The following IL1RAPL2 variants were observed in gnomAD, a reference collection of about 807,000 sequenced individuals.
IL1RAPL2 encodes the protein X-linked interleukin-1 receptor accessory protein-like 2.
In IL1RAPL2, 3 loss-of-function variants were observed where a neutral mutation model predicts 44.1. The observed-to-expected ratio is 0.07, with a 90% CI of 0.03 to 0.18. The LOEUF is 0.18. Ranked by LOEUF, IL1RAPL2 falls within the 10% of genes least tolerant of loss-of-function variation. The pLI is 1.00. For missense variants in IL1RAPL2, 391 were observed against 496.4 expected (o/e 0.79, Z 2.02); for synonymous variants, 181 against 178.8 (o/e 1.01, Z -0.10).
At chrX:104,582,596 T>TTCTTTCTC (rs1387907561) in intron 1 of IL1RAPL2, among the ~76,000 whole-genome samples, 11 of 52,188 alleles carry the variant, frequency 2.1e-4, no homozygotes, top group Admixed American at 6.8e-4. Flanking sequence ...CTTTCTTTCT[T>TTCTTTCTC]TTTCTTTCTT....
chrX:105,534,288 T>C (rs1372442086), intron 6 of IL1RAPL2, among the ~76,000 whole-genome samples: 2 of 111,716 alleles, frequency 1.8e-5, no homozygotes, highest in Non-Finnish European at 3.8e-5. Flanking sequence ...ATTAAGGTAA[T>C]GCCAAAAAGC....
chrX:104,895,264 C>T (rs1459063297), intron 2 of IL1RAPL2, among the ~76,000 whole-genome samples: 1 of 112,470 alleles, frequency 8.9e-6, no homozygotes, highest in African/African-American at 3.2e-5. Context: ...TCTGTCCGTT[C>T]TCAGTTCTCA....
At chrX:105,641,052 AG>A (rs758613034) in intron 6 of IL1RAPL2, among the ~76,000 whole-genome samples, 1 of 110,672 alleles carries the variant, frequency 9.0e-6, no homozygotes, top group Admixed American at 9.8e-5. Flanking sequence ...CAAATTAGCT[AG>A]ATTTAGAGTA....
chrX:105,514,256 C>G (rs1422016326), intron 6 of IL1RAPL2, among the ~76,000 whole-genome samples: 1 of 111,387 alleles, frequency 9.0e-6, no homozygotes, highest in Non-Finnish European at 1.9e-5. Context: ...GATTTACAAG[C>G]AATAAGCGTT....
chrX:105,405,801 G>A, intron 5 of IL1RAPL2: 1 of 1,164,764 alleles, frequency 8.6e-7, no homozygotes, highest in Non-Finnish European at 1.2e-6. Flanking sequence ...AAGCCAGGTG[G>A]TTGCTGTATA....
At chrX:104,965,963 G>A (rs1476440512) in intron 2 of IL1RAPL2, among the ~76,000 whole-genome samples, 1 of 100,839 alleles carries the variant, frequency 9.9e-6, no homozygotes, top group South Asian at 3.7e-4. Flanking sequence ...TAAAGAAAAA[G>A]TAAGATTAGG....
intron 6 of IL1RAPL2, among the ~76,000 whole-genome samples, chrX:105,566,650 G>A (rs757349839): frequency 2.7e-5 from 3 of 111,614 alleles, no homozygotes; most frequent in African/African-American, 9.8e-5. Context: ...TCAAGTATAA[G>A]AAAGATATTT....
intron 2 of IL1RAPL2, among the ~76,000 whole-genome samples, chrX:104,803,510 C>T (rs1932899138): frequency 8.9e-6 from 1 of 112,193 alleles, no homozygotes; most frequent in African/African-American, 3.2e-5. Flanking sequence ...ACATATTTTT[C>T]CCACTCTTAA....
intron 2 of IL1RAPL2, among the ~76,000 whole-genome samples, chrX:104,892,962 A>G (rs1351553492): frequency 2.7e-5 from 3 of 111,854 alleles, no homozygotes; most frequent in Non-Finnish European, 3.8e-5. Flanking sequence ...ATACTGCTTT[A>G]AATGTGTCCC....
At chrX:104,671,179 T>TACACAC (rs763809458) in intron 2 of IL1RAPL2, among the ~76,000 whole-genome samples, 1 of 109,099 alleles carries the variant, frequency 9.2e-6, no homozygotes, top group Non-Finnish European at 1.9e-5. Flanking sequence ...TGCATGTGTA[T>TACACAC]ACACACACAC....
intron 2 of IL1RAPL2, among the ~76,000 whole-genome samples, chrX:104,795,296 T>C (rs1276688215): frequency 9.0e-6 from 1 of 111,480 alleles, no homozygotes; most frequent in Non-Finnish European, 1.9e-5. Flanking sequence ...CAGCACTAGA[T>C]TTAGGAGCAA....
intron 2 of IL1RAPL2, among the ~76,000 whole-genome samples, chrX:105,187,119 G>A (rs2033595305): frequency 9.0e-6 from 1 of 111,514 alleles, no homozygotes; most frequent in African/African-American, 3.3e-5. Flanking sequence ...TCAATATCCA[G>A]GAGCCTACGC....
At chrX:104,908,486 T>A (rs1313054632) in intron 2 of IL1RAPL2, among the ~76,000 whole-genome samples, 1 of 111,391 alleles carries the variant, frequency 9.0e-6, no homozygotes, top group East Asian at 2.8e-4. Context: ...GGAGCTCTTT[T>A]AGGGCAGGCC....
intron 2 of IL1RAPL2, among the ~76,000 whole-genome samples, chrX:104,974,098 G>A (rs1460479209): frequency 9.0e-6 from 1 of 110,914 alleles, no homozygotes; most frequent in East Asian, 2.8e-4. Flanking sequence ...CCATACATTG[G>A]CATTCTATAT....
chrX:104,814,528 G>A (rs1921085047), intron 2 of IL1RAPL2, among the ~76,000 whole-genome samples: 1 of 112,149 alleles, frequency 8.9e-6, no homozygotes, highest in Non-Finnish European at 1.9e-5. Flanking sequence ...ATGGATATTT[G>A]ACTGATTTAA....
intron 6 of IL1RAPL2, among the ~76,000 whole-genome samples, chrX:105,567,030 T>C (rs2036979661): frequency 9.0e-6 from 1 of 111,463 alleles, no homozygotes; most frequent in Non-Finnish European, 1.9e-5. Flanking sequence ...ATTGAACTTA[T>C]CTAACCCTGA....
intron 5 of IL1RAPL2, among the ~76,000 whole-genome samples, chrX:105,468,262 C>G (rs10127213): frequency 0.03 from 3,384 of 111,362 alleles, 129 homozygotes; most frequent in African/African-American, 0.1. Flanking sequence ...TTTTATGGGT[C>G]AAGCCTGAAA....
intron 1 of IL1RAPL2, among the ~76,000 whole-genome samples, chrX:104,605,907 C>T (rs772903083): frequency 1.9e-4 from 21 of 111,983 alleles, no homozygotes; most frequent in Non-Finnish European, 3.6e-4. Context: ...GAAGCTGATA[C>T]CATTCCTTCT....
At chrX:104,886,913 G>A (rs1316891208) in intron 2 of IL1RAPL2, among the ~76,000 whole-genome samples, 1 of 112,054 alleles carries the variant, frequency 8.9e-6, no homozygotes, top group Non-Finnish European at 1.9e-5. Context: ...CTACCAGTTT[G>A]GAAACCTCAT....
Sources: allele counts gnomAD v4.1 joint callset (sites outside exome capture counted in the v4.1 genomes callset), GRCh38; gene constraint gnomAD v4.1.1; transcripts MANE v1.5; gene names NCBI Gene and HGNC (gene_info 2026-07-23, HGNC 2026-07-21).